Variants in ZCCHC7 observed in about 807,000 individuals in gnomAD.
The protein encoded by ZCCHC7 is zinc finger CCHC domain-containing protein 7.
ZCCHC7 carries 35 observed loss-of-function variants against 52.0 expected under a neutral mutation model. That is an observed-to-expected ratio of 0.67 (90% CI 0.51 to 0.89). The LOEUF (loss-of-function observed/expected upper bound fraction) is 0.89, where lower values mean the gene tolerates loss of function less well. ZCCHC7 is among the 40% of genes least tolerant of loss of function. The pLI, the probability that ZCCHC7 is intolerant of heterozygous loss-of-function variation, is 0.00. For synonymous variants in ZCCHC7, 217 were observed against 221.5 expected (o/e 0.98, Z 0.18); for missense variants, 574 against 649.1 (o/e 0.88, Z 1.26).
At chr9:37,178,399 T>C (rs1036315036) in intron 2 of ZCCHC7, among the ~76,000 whole-genome samples, 184 of 27,520 alleles carry the variant, frequency 6.7e-3, no homozygotes, top group Admixed American at 0.013. Context: ...GGCCGCCCCC[T>C]ACCCCCCACC....
chr9:37,140,874 A>G (rs1843190069), intron 2 of ZCCHC7, among the ~76,000 whole-genome samples: 1 of 152,038 alleles, frequency 6.6e-6, no homozygotes. Flanking sequence ...TTATTTAAAC[A>G]TAGAAGGAGA....
Position 37,357,412 on chromosome 9 carries a change from C to G in ZCCHC7, c.*144C>G, listed in dbSNP as rs1242509660. The G allele has an allele frequency of 1.4e-6, 1 of 695,514 alleles. No individual in the cohort carries two copies. Among genetic ancestry groups the G allele is most frequent in the East Asian group, 2.9e-5 (1 of 34,988 alleles). The allele number at this position is 695,514 out of a possible 1,614,324, so 43.1% of individuals were successfully genotyped here. A position where few individuals can be genotyped will look rare whatever the true frequency, so the allele number is the denominator to read the frequency against. ...TTAATTTCAGCCATTCCTAGAGTTA[C>G]TGAATATCCATGGAGATCTCAATTC... On this transcript the variant is annotated 3_prime_UTR_variant, in exon 9 of 9. Coordinates refer to ENST00000336755, the MANE Select transcript of ZCCHC7 (RefSeq NM_032226.3).
intron 1 of ZCCHC7, among the ~76,000 whole-genome samples, chr9:37,124,617 A>G (rs7046722): frequency 0.05 from 7,627 of 152,158 alleles, 627 homozygotes; most frequent in African/African-American, 0.17. Flanking sequence ...GTGTTTTGAC[A>G]TGTAAAGTAC....
rs530048746 is a variant in ZCCHC7, at chr9:37,178,142, A to G, written c.610+51200A>G. Among the ~76,000 whole-genome samples, 4 of 152,300 alleles carry G rather than the reference A, an allele frequency of 2.6e-5. No homozygotes were observed. In the East Asian group the frequency reaches 5.8e-4, roughly 22 times the overall value. On this transcript the variant is annotated intron_variant, in intron 2 of 8. Coordinates refer to ENST00000336755, the MANE Select transcript of ZCCHC7 (RefSeq NM_032226.3). ...GTTCTAACCCTAAACCTAGCCAGTAATGGTGCCTTGGTAATTAAAACACCA... is the reference window on the plus strand; with the variant it reads ...GTTCTAACCCTAAACCTAGCCAGTAGTGGTGCCTTGGTAATTAAAACACCA...
intron 2 of ZCCHC7, among the ~76,000 whole-genome samples, chr9:37,209,834 C>G (rs1396447386): frequency 1.3e-5 from 2 of 152,094 alleles, no homozygotes; most frequent in Non-Finnish European, 2.9e-5. Flanking sequence ...TGGACATGTT[C>G]ATGCTAAAGA....
At chr9:37,293,406 G>A (rs561052073) in intron 2 of ZCCHC7, among the ~76,000 whole-genome samples, 4 of 152,284 alleles carry the variant, frequency 2.6e-5, no homozygotes, top group African/African-American at 9.6e-5. Flanking sequence ...CAGATTGCTA[G>A]CTATCAGCAG....
At chr9:37,134,059 C>T (rs1370873632) in intron 2 of ZCCHC7, among the ~76,000 whole-genome samples, 7 of 152,208 alleles carry the variant, frequency 4.6e-5, no homozygotes, top group South Asian at 4.1e-4. Context: ...TATATTTAAT[C>T]ATATTACCAT....
At chr9:37,168,739 A>G (rs998542150) in intron 2 of ZCCHC7, among the ~76,000 whole-genome samples, 18 of 152,098 alleles carry the variant, frequency 1.2e-4, no homozygotes, top group African/African-American at 4.1e-4. Flanking sequence ...CTCTACAAAA[A>G]CAAAGTACCC....
chr9:37,162,271 G>A (rs760090362), intron 2 of ZCCHC7, among the ~76,000 whole-genome samples: 3 of 151,888 alleles, frequency 2.0e-5, no homozygotes, highest in Non-Finnish European at 2.9e-5. Flanking sequence ...CGTTTAAAAT[G>A]TACAGTTTCA....
chr9:37,143,186 G>A (rs750150899), intron 2 of ZCCHC7, among the ~76,000 whole-genome samples: 6 of 151,126 alleles, frequency 4.0e-5, no homozygotes, highest in Admixed American at 1.3e-4. Flanking sequence ...TTTCTTTTTT[G>A]TTCTTCCTCT....
intron 5 of ZCCHC7, among the ~76,000 whole-genome samples, chr9:37,306,281 C>A (rs1357276104): frequency 3.3e-5 from 5 of 151,400 alleles, no homozygotes; most frequent in Non-Finnish European, 5.9e-5. Context: ...GTTGGCCATG[C>A]TGGTCTCGAA....
intron 2 of ZCCHC7, among the ~76,000 whole-genome samples, chr9:37,272,491 TAAAAAAAAAAA>T (rs551495038): frequency 1.0e-4 from 10 of 97,822 alleles, no homozygotes; most frequent in East Asian, 2.7e-4. Flanking sequence ...AGCTGTGTGG[TAAAAAAAAAAA>T]AAAAAAAAAA....
At chr9:37,291,935 C>T (rs907891231) in intron 2 of ZCCHC7, among the ~76,000 whole-genome samples, 9 of 152,188 alleles carry the variant, frequency 5.9e-5, no homozygotes, top group Non-Finnish European at 1.0e-4. Context: ...TCAGGTGATC[C>T]GCCTGCCTTG....
At chr9:37,122,754 A>T (rs1842368440) in intron 1 of ZCCHC7, among the ~76,000 whole-genome samples, 1 of 152,236 alleles carries the variant, frequency 6.6e-6, no homozygotes, top group African/African-American at 2.4e-5. Flanking sequence ...CCTGGCCAAC[A>T]TGGTGAAACC....
chr9:37,233,131 G>T (rs1018375847), intron 2 of ZCCHC7, among the ~76,000 whole-genome samples: 14 of 152,068 alleles, frequency 9.2e-5, no homozygotes, highest in African/African-American at 2.9e-4. Context: ...TTACAGTGAG[G>T]TTATATTTCT....
At chr9:37,201,644 A>G (rs759276663) in intron 2 of ZCCHC7, among the ~76,000 whole-genome samples, 1 of 152,216 alleles carries the variant, frequency 6.6e-6, no homozygotes, top group Non-Finnish European at 1.5e-5. Context: ...TAAGAAGTGA[A>G]TATGTTTAAA....
At chr9:37,267,696 A>G (rs937127489) in intron 2 of ZCCHC7, among the ~76,000 whole-genome samples, 1 of 149,880 alleles carries the variant, frequency 6.7e-6, no homozygotes, top group Non-Finnish European at 1.5e-5. Flanking sequence ...CAGCCTCCCG[A>G]GTAGCTGGGA....
At chr9:37,183,621 CAGTT>C (rs1218157554) in intron 2 of ZCCHC7, among the ~76,000 whole-genome samples, 1 of 152,168 alleles carries the variant, frequency 6.6e-6, no homozygotes, top group East Asian at 1.9e-4. Flanking sequence ...TTCAAACTAA[CAGTT>C]AATTTGCTTC....
intron 1 of ZCCHC7, among the ~76,000 whole-genome samples, chr9:37,122,696 T>C (rs1188547363): frequency 2.0e-5 from 3 of 152,242 alleles, no homozygotes; most frequent in Admixed American, 6.5e-5. Context: ...TCCAGGCACT[T>C]TGGGAGTCCG....
Sources: gnomAD v4.1 joint callset for allele counts (sites outside exome capture counted in the v4.1 genomes callset) on GRCh38, gnomAD v4.1.1 for gene constraint, MANE v1.5 for transcripts, NCBI Gene and HGNC (gene_info 2026-07-23, HGNC 2026-07-21) for gene names.